The following DACH1 variants were observed in gnomAD, a reference collection of about 807,000 sequenced individuals.
DACH1 encodes the protein dachshund family transcription factor 1.
In DACH1, 12 loss-of-function variants were observed where a neutral mutation model predicts 54.2. The observed-to-expected ratio is 0.22, with a 90% confidence interval of 0.14 to 0.36. The LOEUF (loss-of-function observed/expected upper bound fraction) is 0.36, where lower values mean the gene tolerates loss of function less well. Among genes scored for constraint, DACH1 ranks in the 10% least tolerant of loss-of-function variants. The probability of loss-of-function intolerance (pLI) is 1.00; values close to 1 mark genes in which losing one functional copy is unlikely to be tolerated. For missense variants in DACH1, 805 were observed against 929.8 expected, an observed-to-expected ratio of 0.87 and a Z score of 1.75; for synonymous variants, 386 against 366.2, an observed-to-expected ratio of 1.05 and a Z score of -0.62.
At chr13:71,596,442 A>C (rs1228034751) in intron 3 of DACH1, among the ~76,000 whole-genome samples, 2 of 152,238 alleles carry the variant, frequency 1.3e-5, no homozygotes, top group African/African-American at 4.8e-5. Flanking sequence ...GAAACAAAGT[A>C]GAAATGTCTG....
intron 1 of DACH1, among the ~76,000 whole-genome samples, chr13:71,753,907 A>G (rs1181140787): frequency 1.3e-5 from 2 of 152,236 alleles, no homozygotes. Flanking sequence ...CTCATGCCAT[A>G]GTCAAAGTAT....
At chr13:71,852,223 A>G (rs1186723470) in intron 1 of DACH1, among the ~76,000 whole-genome samples, 3 of 152,178 alleles carry the variant, frequency 2.0e-5, no homozygotes, top group African/African-American at 7.2e-5. Flanking sequence ...CCGCTGCTTA[A>G]CAAAGGCTGG....
At chr13:71,662,704 CA>C (rs1283142359) in intron 2 of DACH1, among the ~76,000 whole-genome samples, 4 of 151,916 alleles carry the variant, frequency 2.6e-5, no homozygotes, top group Non-Finnish European at 4.4e-5. Context: ...TATTTTTCCA[CA>C]AAAAATATTG....
chr13:71,718,406 G>A (rs976741826), intron 1 of DACH1, among the ~76,000 whole-genome samples: 3 of 151,804 alleles, frequency 2.0e-5, no homozygotes, highest in Non-Finnish European at 2.9e-5. Flanking sequence ...GCAACATAGC[G>A]AGACCTCATT....
At chr13:71,706,562 C>G (rs965698906) in intron 1 of DACH1, among the ~76,000 whole-genome samples, 1 of 152,050 alleles carries the variant, frequency 6.6e-6, no homozygotes, top group Non-Finnish European at 1.5e-5. Flanking sequence ...CAAGCACTGG[C>G]TTGATACAAA....
chr13:71,640,837 A>G (rs924517137), intron 2 of DACH1, among the ~76,000 whole-genome samples: 1 of 152,118 alleles, frequency 6.6e-6, no homozygotes, highest in Non-Finnish European at 1.5e-5. Flanking sequence ...ATAAGTGAAA[A>G]GAGGAAAAGA....
At chr13:71,707,580 A>G (rs1365585026) in intron 1 of DACH1, among the ~76,000 whole-genome samples, 4 of 152,184 alleles carry the variant, frequency 2.6e-5, no homozygotes. Context: ...GCATGACATA[A>G]TATTTGTTTA....
chr13:71,604,402 C>T (rs1874729437), intron 3 of DACH1, among the ~76,000 whole-genome samples: 2 of 151,908 alleles, frequency 1.3e-5, no homozygotes, highest in South Asian at 4.1e-4. Context: ...AACTTCACTA[C>T]TTTGATATTC....
intron 2 of DACH1, among the ~76,000 whole-genome samples, chr13:71,637,035 A>C (rs144259181): frequency 6.6e-6 from 1 of 152,268 alleles, no homozygotes; most frequent in Non-Finnish European, 1.5e-5. Context: ...ATTCCTGCTA[A>C]ATTACTGACC....
intron 1 of DACH1, among the ~76,000 whole-genome samples, chr13:71,837,854 G>C (rs1190464542): frequency 3.3e-5 from 5 of 150,292 alleles, no homozygotes; most frequent in Non-Finnish European, 7.4e-5. Flanking sequence ...GTCCTTTGTA[G>C]GGACATGGAT....
At chr13:71,623,900 CAA>C (rs1219229470) in intron 3 of DACH1, among the ~76,000 whole-genome samples, 1 of 151,820 alleles carries the variant, frequency 6.6e-6, no homozygotes, top group African/African-American at 2.4e-5. Context: ...ACATTTTACA[CAA>C]TGATGTTTTG....
chr13:71,458,790 A>C (rs1875813492), intron 10 of DACH1, among the ~76,000 whole-genome samples: 1 of 151,940 alleles, frequency 6.6e-6, no homozygotes, highest in Non-Finnish European at 1.5e-5. Context: ...TATATAAATA[A>C]AACCTGACCT....
intron 6 of DACH1, among the ~76,000 whole-genome samples, chr13:71,543,107 T>C (rs1883241069): frequency 6.6e-6 from 1 of 152,174 alleles, no homozygotes; most frequent in South Asian, 2.1e-4. Context: ...GTTTGAAAAC[T>C]GGATTTAAGT....
intron 1 of DACH1, among the ~76,000 whole-genome samples, chr13:71,743,193 AAAG>A (rs1408273450): frequency 6.6e-6 from 1 of 152,184 alleles, no homozygotes; most frequent in Non-Finnish European, 1.5e-5. Context: ...GTGAATGCCA[AAAG>A]AAGGACAGAT....
chr13:71,630,063 A>G (rs1876970346), intron 3 of DACH1, among the ~76,000 whole-genome samples: 1 of 152,176 alleles, frequency 6.6e-6, no homozygotes, highest in African/African-American at 2.4e-5. Context: ...AGACCTTGGT[A>G]ACCATTATCT....
intron 1 of DACH1, among the ~76,000 whole-genome samples, chr13:71,786,872 T>TA (rs1035810365): frequency 4.6e-5 from 7 of 151,556 alleles, no homozygotes; most frequent in African/African-American, 7.3e-5. Flanking sequence ...TTTAAACACT[T>TA]AAAAAAAAAT....
At chr13:71,575,982 C>G (rs1244104547) in intron 3 of DACH1, among the ~76,000 whole-genome samples, 1 of 152,026 alleles carries the variant, frequency 6.6e-6, no homozygotes, top group Admixed American at 6.6e-5. Context: ...CAGAACAAGA[C>G]CTGCCCACAG....
intron 1 of DACH1, among the ~76,000 whole-genome samples, chr13:71,792,349 C>T (rs1312364536): frequency 6.7e-6 from 1 of 149,360 alleles, no homozygotes; most frequent in East Asian, 2.0e-4. Context: ...TACACACACA[C>T]ACACACACAC....
chr13:71,503,716 C>T (rs995114551), intron 6 of DACH1, among the ~76,000 whole-genome samples: 1 of 152,158 alleles, frequency 6.6e-6, no homozygotes, highest in Non-Finnish European at 1.5e-5. Context: ...AGGTTTGCCA[C>T]GGCAGAGTGT....
Sources: gnomAD v4.1 joint callset for allele counts (sites outside exome capture counted in the v4.1 genomes callset) on GRCh38, gnomAD v4.1.1 for gene constraint, MANE v1.5 for transcripts, NCBI Gene and HGNC (gene_info 2026-07-23, HGNC 2026-07-21) for gene names.